ELF1: variants seen among roughly 807,000 people sequenced by gnomAD.
ELF1 encodes ETS-related transcription factor Elf-1.
In ELF1, 24 loss-of-function variants were observed where a neutral mutation model predicts 59.9. The ratio of observed to expected loss-of-function variants is 0.40; its 90% confidence interval spans 0.29 to 0.56. ELF1 has a LOEUF of 0.56. ELF1 is among the 20% of genes least tolerant of loss of function. The pLI is 0.44. For synonymous variants in ELF1, 248 were observed against 266.2 expected, an observed-to-expected ratio of 0.93 and a Z score of 0.67; for missense variants, 627 against 742.2, an observed-to-expected ratio of 0.84 and a Z score of 1.80.
At chr13:41,035,860 A>G (rs1345083375) in intron 1 of ELF1, among the ~76,000 whole-genome samples, 1 of 150,874 alleles carries the variant, frequency 6.6e-6, no homozygotes, top group Non-Finnish European at 1.5e-5. Context: ...CAACAACAAC[A>G]ACAACAACAA....
chr13:40,983,172 A>G (rs1462859116), intron 1 of ELF1, among the ~76,000 whole-genome samples: 2 of 152,262 alleles, frequency 1.3e-5, no homozygotes, highest in African/African-American at 2.4e-5. Flanking sequence ...CTACATTTTC[A>G]TCAAATGATT....
chr13:41,029,207 G>A (rs1416243121), intron 1 of ELF1, among the ~76,000 whole-genome samples: 3 of 152,244 alleles, frequency 2.0e-5, no homozygotes, highest in East Asian at 3.9e-4. Flanking sequence ...GTCTCTATTC[G>A]GAGATTAAAT....
intron 2 of ELF1, among the ~76,000 whole-genome samples, chr13:40,973,444 G>T (rs922776486): frequency 1.3e-5 from 2 of 152,022 alleles, no homozygotes; most frequent in Admixed American, 6.6e-5. Flanking sequence ...TGTTGAAAAT[G>T]ACCCTCTTTT....
intron 2 of ELF1, among the ~76,000 whole-genome samples, chr13:40,965,866 C>T (rs1371161074): frequency 6.6e-6 from 1 of 152,150 alleles, no homozygotes; most frequent in Non-Finnish European, 1.5e-5. Context: ...TTAAGAATAT[C>T]AATATTTGAC....
intron 2 of ELF1, among the ~76,000 whole-genome samples, chr13:40,965,905 T>C (rs1202876542): frequency 6.6e-6 from 1 of 152,212 alleles, no homozygotes; most frequent in Non-Finnish European, 1.5e-5. Flanking sequence ...AATCAGACTA[T>C]CTGGGGGTGT....
chr13:41,032,260 C>T (rs1876196341), intron 1 of ELF1, among the ~76,000 whole-genome samples: 2 of 151,162 alleles, frequency 1.3e-5, no homozygotes, highest in Admixed American at 6.6e-5. Flanking sequence ...TCTCGTTGCC[C>T]AGGCTGGAGT....
chr13:40,933,327 T>C lies in ELF1; in HGVS notation c.*98A>G, dbSNP rs951914605. On this transcript the variant is annotated 3_prime_UTR_variant, in exon 9 of 9. Coordinates refer to ENST00000239882, the MANE Select transcript of ELF1 (RefSeq NM_172373.4). Reference sequence around the variant, plus strand: ...ACTCTATTTTTAACAATTACAAAATTAGAAACCTCCTTAGAATTTATCTTA... The same window carrying C: ...ACTCTATTTTTAACAATTACAAAATCAGAAACCTCCTTAGAATTTATCTTA... 1 of 1,445,202 alleles carries C rather than the reference T, an allele frequency of 6.9e-7. No individual in the cohort carries two copies. Among genetic ancestry groups the C allele is most frequent in the Non-Finnish European group, 9.2e-7 (1 of 1,082,720 alleles). 89.5% of individuals were successfully genotyped at this position (1,445,202 alleles called of 1,614,324 possible).
chr13:40,971,559 AGT>A (rs1872551293), intron 2 of ELF1, among the ~76,000 whole-genome samples: 1 of 152,142 alleles, frequency 6.6e-6, no homozygotes, highest in Non-Finnish European at 1.5e-5. Flanking sequence ...CCAGTATTTG[AGT>A]GTTTCTGAAA....
chr13:41,001,528 A>T (rs1401059245), intron 1 of ELF1, among the ~76,000 whole-genome samples: 1 of 152,188 alleles, frequency 6.6e-6, no homozygotes, highest in East Asian at 1.9e-4. Flanking sequence ...TTCAAAATAG[A>T]ATATAAAGCT....
chr13:40,982,833 A>G (rs1873355533), intron 1 of ELF1: 2 of 982,558 alleles, frequency 2.0e-6, no homozygotes, highest in African/African-American at 1.7e-5. Flanking sequence ...AAGGCTTCTG[A>G]TAAGTAAAAT....
In ELF1 at chr13:40,941,206, T is replaced by C. The variant is rs778527444; in HGVS notation, c.971A>G (p.Asn324Ser). The change falls in exon 8 of 9, where the codon AAT becomes AGT. Residue 324 changes from asparagine to serine, a missense_variant. Asn to Ser is a conservative substitution (Grantham distance 46, BLOSUM62 1). This residue lies in a region of ELF1 where 361 missense variants were observed against 396.1 expected (regional missense o/e 0.91). Coordinates refer to ENST00000239882, the MANE Select transcript of ELF1 (RefSeq NM_172373.4). ...SLSSSATSNRNQTSRSRVSSS... is the reference protein window; with the variant it reads ...SLSSSATSNRSQTSRSRVSSS... ...AGATACTCTCGACCGGCTGGTTTGA[T>C]TCCTATTTGAAGTGGCTGATGAAGA... 38 of 1,614,066 alleles carry C rather than the reference T, an allele frequency of 2.4e-5. No individual in the cohort carries two copies. In the Admixed American group the frequency reaches 6.3e-4, roughly 27 times the overall value.
At chr13:41,044,618 C>A (rs1019657397) in intron 1 of ELF1, among the ~76,000 whole-genome samples, 2 of 152,136 alleles carry the variant, frequency 1.3e-5, no homozygotes, top group Admixed American at 1.3e-4. Flanking sequence ...TATGTTGAAC[C>A]AGCCTTGCAT....
chr13:41,023,951 T>C (rs1192511667), upstream of ELF1, among the ~76,000 whole-genome samples: 1 of 152,216 alleles, frequency 6.6e-6, no homozygotes, highest in East Asian at 1.9e-4. Context: ...TTGGCCCCTA[T>C]GACTTGATAT....
intron 1 of ELF1, among the ~76,000 whole-genome samples, chr13:41,015,891 C>T (rs970704119): frequency 1.3e-5 from 2 of 152,060 alleles, no homozygotes; most frequent in Non-Finnish European, 2.9e-5. Context: ...CTCATATGTG[C>T]TTGGTACTTT....
chr13:40,976,463 T>A (rs1200230116), intron 2 of ELF1, among the ~76,000 whole-genome samples: 1 of 152,226 alleles, frequency 6.6e-6, no homozygotes, highest in Non-Finnish European at 1.5e-5. Flanking sequence ...CTGTGTTACA[T>A]TGAATAGTGT....
Position 40,982,068 on chromosome 13 carries a change from C to G in ELF1, c.-14G>C. ...AACAGCAGCCATAATAAAGCATTCC[C>G]CTTAGATCCACATGAGAAAAATTCC... On this transcript the variant is annotated 5_prime_UTR_variant, in exon 2 of 9. Transcript: ENST00000239882. The G allele has an allele frequency of 6.2e-7, 1 of 1,604,126 alleles. No homozygotes were observed. The highest frequency in any genetic ancestry group is 8.5e-7 in the Non-Finnish European group (1 of 1,176,070).
At chr13:41,027,952 G>A (rs1031364107) in intron 1 of ELF1, among the ~76,000 whole-genome samples, 3 of 152,170 alleles carry the variant, frequency 2.0e-5, no homozygotes, top group Non-Finnish European at 2.9e-5. Context: ...CACATTCTGA[G>A]TTAGCATCCA....
chr13:40,976,871 A>C lies in ELF1; in HGVS notation c.72+5112T>G, dbSNP rs1450723024. Among the ~76,000 whole-genome samples, 4 of 152,164 alleles carry C rather than the reference A, an allele frequency of 2.6e-5. No individual in the cohort carries two copies. In the East Asian group the frequency reaches 5.8e-4, roughly 22 times the overall value. ...TGTTACTCTTTAACCTCCAGGAATTAGCAGTCGGAGGAAGCCAATTTACAC... is the reference window on the plus strand; with the variant it reads ...TGTTACTCTTTAACCTCCAGGAATTCGCAGTCGGAGGAAGCCAATTTACAC... On this transcript the variant is annotated intron_variant, in intron 2 of 8. Coordinates refer to ENST00000239882, the MANE Select transcript of ELF1 (RefSeq NM_172373.4).
chr13:41,038,247 T>C (rs1477095717), intron 1 of ELF1, among the ~76,000 whole-genome samples: 1 of 152,146 alleles, frequency 6.6e-6, no homozygotes, highest in Non-Finnish European at 1.5e-5. Flanking sequence ...CCCAGCACTT[T>C]GGGCAGTGAT....
Sources: gnomAD v4.1 joint callset for allele counts (sites outside exome capture counted in the v4.1 genomes callset) on GRCh38, gnomAD v4.1.1 for gene constraint, gnomAD v4.1.1 regional missense constraint, MANE v1.5 for transcripts, NCBI Gene and HGNC (gene_info 2026-07-23, HGNC 2026-07-21) for gene names.